ROCK2: variants seen among roughly 807,000 people sequenced by gnomAD.
ROCK2 encodes the protein rho-associated protein kinase 2.
ROCK2 carries 61 observed loss-of-function variants against 195.1 expected under a neutral mutation model. That is an observed-to-expected ratio of 0.31 (90% CI 0.25 to 0.39). The LOEUF (loss-of-function observed/expected upper bound fraction) is 0.39, where lower values mean the gene tolerates loss of function less well. Ranked by LOEUF, ROCK2 falls within the 10% of genes least tolerant of loss-of-function variation. The pLI is 1.00. For synonymous variants in ROCK2, 504 were observed against 545.5 expected (o/e 0.92, Z 1.06); for missense variants, 1,109 against 1,637.4 (o/e 0.68, Z 5.57).
chr2:11,231,971 T>C (rs1049311677), intron 5 of ROCK2, among the ~76,000 whole-genome samples: 1 of 152,318 alleles, frequency 6.6e-6, no homozygotes, highest in Admixed American at 6.5e-5. Flanking sequence ...ACTCTAAATA[T>C]TTTGGCTTTG....
Position 11,215,093 on chromosome 2 carries a change from T to C in ROCK2, c.1690-7A>G, listed in dbSNP as rs1343321064. 9.3e-6 allele frequency: 15 copies of C among 1,613,698 alleles called. No individual in the cohort carries two copies. Among genetic ancestry groups the C allele is most frequent in the East Asian group, 2.2e-5 (1 of 44,882 alleles). On this transcript the variant is annotated splice_region_variant and splice_polypyrimidine_tract_variant and intron_variant, in intron 15 of 32. Transcript: ENST00000315872. ...AAGCATTGGTTTCATCCAGCTGTTA[T>C]TCCATTCAAAACCAAACAACAACAA... is the stretch of plus-strand genomic sequence containing the variant.
chr2:11,185,171 T>C (rs1289867389), intron 32 of ROCK2, among the ~76,000 whole-genome samples: 2 of 152,208 alleles, frequency 1.3e-5, no homozygotes, highest in African/African-American at 2.4e-5. Context: ...TTTTCCATCA[T>C]AGCACCAAAA....
At chr2:11,310,500 T>C (rs1320993506) in intron 1 of ROCK2, among the ~76,000 whole-genome samples, 1 of 152,184 alleles carries the variant, frequency 6.6e-6, no homozygotes, top group Non-Finnish European at 1.5e-5. Context: ...CATTGACTCG[T>C]AGATAAATTC....
intron 3 of ROCK2, among the ~76,000 whole-genome samples, chr2:11,285,026 G>A (rs1166148658): frequency 6.6e-6 from 1 of 152,166 alleles, no homozygotes; most frequent in Non-Finnish European, 1.5e-5. Flanking sequence ...ATTTTGGGAG[G>A]CCGAGGCAGG....
intron 1 of ROCK2, among the ~76,000 whole-genome samples, chr2:11,320,939 C>A (rs1558391341): frequency 6.6e-6 from 1 of 152,130 alleles, no homozygotes; most frequent in Non-Finnish European, 1.5e-5. Flanking sequence ...CACAGGTACT[C>A]CCCCTAGAGT....
chr2:11,251,289 A>C (rs771393661), intron 3 of ROCK2, among the ~76,000 whole-genome samples: 37 of 152,256 alleles, frequency 2.4e-4, no homozygotes, highest in Non-Finnish European at 2.9e-4. Flanking sequence ...CCCATTGCCT[A>C]GTATAATGTC....
intron 1 of ROCK2, among the ~76,000 whole-genome samples, chr2:11,296,924 T>G (rs1440707759): frequency 6.6e-6 from 1 of 152,118 alleles, no homozygotes; most frequent in Non-Finnish European, 1.5e-5. Context: ...TTAAAAGCTC[T>G]TTCACTGCCA....
upstream of ROCK2, among the ~76,000 whole-genome samples, chr2:11,345,225 A>G (rs974046750): frequency 1.3e-5 from 2 of 152,340 alleles, no homozygotes; most frequent in East Asian, 1.9e-4. Context: ...GTCCTGGGGC[A>G]GGAGGGCCTG....
intron 5 of ROCK2, among the ~76,000 whole-genome samples, chr2:11,230,194 C>CAA (rs1362843946): frequency 1.3e-5 from 2 of 152,036 alleles, no homozygotes; most frequent in African/African-American, 4.8e-5. Context: ...TTTATAAATA[C>CAA]CATTCTTTAA....
chr2:11,199,371 A>G (rs1203888745), intron 23 of ROCK2, among the ~76,000 whole-genome samples: 1 of 150,928 alleles, frequency 6.6e-6, no homozygotes, highest in East Asian at 1.9e-4. Flanking sequence ...CTGGAGTGCA[A>G]TGGCGTGCGA....
intron 32 of ROCK2, 123 bp from the exon 33 acceptor site, chr2:11,183,563 TA>T: frequency 3.1e-6 from 2 of 652,412 alleles, no homozygotes; most frequent in Non-Finnish European, 5.1e-6. Flanking sequence ...CTATATTTTT[TA>T]ACACTAAAAT....
rs1156983946 is a variant in ROCK2 at position 11,317,576 on chromosome 2, TTATATATATATA to T, written c.141+26408_141+26419del. Among the ~76,000 whole-genome samples the T allele has an allele frequency of 5.4e-4, 16 of 29,584 alleles. 1 individual carries two copies. The highest frequency in any genetic ancestry group is 2.2e-3 in the African/African-American group (14 of 6,426). The allele number at this position is 29,584 out of a possible 152,430, so 19.4% of individuals were successfully genotyped here. A position where few individuals can be genotyped will look rare whatever the true frequency, so the allele number is the denominator to read the frequency against. ...TTTAAAGCCGCCCTGATCTACACATTTATATATATATATATATATATATATATATATATATAT... is the reference window on the plus strand; with the variant it reads ...TTTAAAGCCGCCCTGATCTACACATTTATATATATATATATATATATATAT... On this transcript the variant is annotated intron_variant, in intron 1 of 32. Coordinates refer to ENST00000315872, the MANE Select transcript of ROCK2 (RefSeq NM_004850.5).
chr2:11,282,396 G>C (rs1403209100), intron 3 of ROCK2, among the ~76,000 whole-genome samples: 1 of 151,718 alleles, frequency 6.6e-6, no homozygotes, highest in Non-Finnish European at 1.5e-5. Context: ...AAATGGGAGG[G>C]ATGAAACTAT....
In ROCK2 at chr2:11,222,169, A is replaced by G. The variant is rs1269243338; in HGVS notation, c.1013T>C (p.Val338Ala). The G allele has an allele frequency of 6.3e-7, 1 of 1,582,828 alleles. No individual in the cohort carries two copies. The highest frequency in any genetic ancestry group is 8.7e-7 in the Non-Finnish European group (1 of 1,155,452). ...TTCCACCCCATTTCTCCCAAGTCGT[A>G]CCTCCCTAAACAATGCAGTTAAAGA... The part of the protein sequence containing the change: ...LICAFLTDRE[V>A]RLGRNGVEEI... Residue 338 changes from valine (V) to alanine (A), a missense_variant, in exon 8 of 33, where the codon GTA (valine) becomes GCA (alanine). By Grantham distance (64) the Val-to-Ala change is moderately conservative (BLOSUM62 0). This residue lies in a region of ROCK2 where 253 missense variants were observed against 455.5 expected (regional missense o/e 0.56). Coordinates refer to ENST00000315872, the MANE Select transcript of ROCK2 (RefSeq NM_004850.5).
intron 1 of ROCK2, among the ~76,000 whole-genome samples, chr2:11,329,835 T>C (rs1668664655): frequency 6.6e-6 from 1 of 152,214 alleles, no homozygotes; most frequent in Non-Finnish European, 1.5e-5. Flanking sequence ...TTCTTTAACC[T>C]GAATATAACA....
intron 5 of ROCK2, among the ~76,000 whole-genome samples, chr2:11,231,926 TA>T (rs1271322983): frequency 6.6e-5 from 10 of 152,204 alleles, no homozygotes; most frequent in African/African-American, 2.2e-4. Flanking sequence ...ATATTATAGA[TA>T]AAGTATTGGC....
intron 5 of ROCK2, among the ~76,000 whole-genome samples, chr2:11,227,698 C>T (rs1664863644): frequency 6.6e-6 from 1 of 152,120 alleles, no homozygotes; most frequent in Non-Finnish European, 1.5e-5. Flanking sequence ...TTTTCTTTTT[C>T]TTATTTCTTA....
At chr2:11,326,532 G>A (rs895539211) in intron 1 of ROCK2, among the ~76,000 whole-genome samples, 1 of 152,346 alleles carries the variant, frequency 6.6e-6, no homozygotes, top group South Asian at 2.1e-4. Context: ...TTTTGCTGGT[G>A]AGAGGAGGAG....
intron 5 of ROCK2, among the ~76,000 whole-genome samples, chr2:11,232,219 C>A (rs757993263): frequency 6.6e-6 from 1 of 152,030 alleles, no homozygotes; most frequent in Admixed American, 6.6e-5. Flanking sequence ...ACTTCCACCC[C>A]CTGGGTTCAA....
Sources: gnomAD v4.1 joint callset for allele counts (sites outside exome capture counted in the v4.1 genomes callset) on GRCh38, gnomAD v4.1.1 for gene constraint, gnomAD v4.1.1 regional missense constraint, MANE v1.5 for transcripts, NCBI Gene and HGNC (gene_info 2026-07-23, HGNC 2026-07-21) for gene names.